Variants in OPCML observed in about 807,000 individuals in gnomAD.
The protein encoded by OPCML is opioid binding protein/cell adhesion molecule like, also known as opioid-binding protein/cell adhesion molecule.
Under a neutral mutation model 37.8 loss-of-function variants are expected in OPCML, and 13 were observed. The observed-to-expected ratio is 0.34, with a 90% CI of 0.22 to 0.55. The LOEUF (loss-of-function observed/expected upper bound fraction) is 0.55, where lower values mean the gene tolerates loss of function less well. OPCML is among the 20% of genes least tolerant of loss of function. The pLI is 0.91. For missense variants in OPCML, 341 were observed against 435.6 expected, an observed-to-expected ratio of 0.78 and a Z score of 1.93; for synonymous variants, 176 against 168.8, an observed-to-expected ratio of 1.04 and a Z score of -0.33.
At position 132,878,181 on chromosome 11, in the gene OPCML, C is replaced by CAA. The variant is rs11426663; in HGVS notation, c.146+64743_146+64744dup. The stretch of plus-strand genomic sequence containing the variant: ...TGGGCGAGAGATCAAAATTCCATCT[C>CAA]AAAAAAAAAAAAATTATATTGGCTG... On this transcript the variant is annotated intron_variant, in intron 2 of 7. Transcript: ENST00000524381. Among the ~76,000 whole-genome samples, 891 of 147,708 alleles carry CAA rather than the reference C, an allele frequency of 6.0e-3. 5 individuals carry two copies. The highest frequency in any genetic ancestry group is 0.028 in the Middle Eastern group (8 of 290).
chr11:132,981,055 C>G (rs1946572146), intron 1 of OPCML, among the ~76,000 whole-genome samples: 1 of 152,220 alleles, frequency 6.6e-6, no homozygotes. Flanking sequence ...GCCTCTAAGC[C>G]TATCTAAACA....
intron 2 of OPCML, among the ~76,000 whole-genome samples, chr11:132,798,385 T>C (rs1162593502): frequency 6.6e-6 from 1 of 152,222 alleles, no homozygotes; most frequent in Non-Finnish European, 1.5e-5. Context: ...TAACTAAAAT[T>C]ATGTAATACT....
At chr11:132,673,129 G>C (rs543000762) in intron 2 of OPCML, among the ~76,000 whole-genome samples, 2 of 152,276 alleles carry the variant, frequency 1.3e-5, no homozygotes, top group African/African-American at 4.8e-5. Flanking sequence ...TGCACAAGAT[G>C]CTTGCCCCAA....
chr11:132,766,261 C>T (rs1946441052), intron 2 of OPCML, among the ~76,000 whole-genome samples: 1 of 152,138 alleles, frequency 6.6e-6, no homozygotes, highest in African/African-American at 2.4e-5. Context: ...TCAAAGGCTG[C>T]TACACAGAAA....
intron 4 of OPCML, among the ~76,000 whole-genome samples, chr11:132,519,609 G>A (rs2096287846): frequency 1.3e-5 from 2 of 152,104 alleles, no homozygotes; most frequent in Non-Finnish European, 1.5e-5. Context: ...CCCATATGGC[G>A]AAAAGCACAT....
At chr11:133,262,660 G>T (rs1941529297) in intron 1 of OPCML, among the ~76,000 whole-genome samples, 1 of 152,166 alleles carries the variant, frequency 6.6e-6, no homozygotes, top group African/African-American at 2.4e-5. Flanking sequence ...AATATCTTGA[G>T]CCCTCTCGTG....
chr11:132,582,399 A>G (rs755534563), intron 3 of OPCML, among the ~76,000 whole-genome samples: 4 of 152,154 alleles, frequency 2.6e-5, no homozygotes, highest in Non-Finnish European at 5.9e-5. Flanking sequence ...CTGCTAAAAA[A>G]TCAAAACGCC....
intron 1 of OPCML, among the ~76,000 whole-genome samples, chr11:133,134,020 T>C (rs1408410942): frequency 6.6e-6 from 1 of 152,162 alleles, no homozygotes; most frequent in Non-Finnish European, 1.5e-5. Flanking sequence ...CCTGAACTCC[T>C]TTCAGCTGCC....
At chr11:132,758,242 C>A (rs186587872) in intron 2 of OPCML, among the ~76,000 whole-genome samples, 42 of 152,272 alleles carry the variant, frequency 2.8e-4, no homozygotes, top group African/African-American at 9.4e-4. Flanking sequence ...TAACGTGATG[C>A]CTCCAACTTT....
chr11:132,635,179 A>T (rs1940409665), intron 3 of OPCML, among the ~76,000 whole-genome samples: 1 of 152,182 alleles, frequency 6.6e-6, no homozygotes, highest in Admixed American at 6.5e-5. Context: ...TCCCCTTAAA[A>T]ATCTGCAAAA....
chr11:132,584,449 CT>C (rs1429770447), intron 3 of OPCML, among the ~76,000 whole-genome samples: 3 of 152,060 alleles, frequency 2.0e-5, no homozygotes, highest in Non-Finnish European at 4.4e-5. Context: ...ACTTAAATTT[CT>C]TTTTCTTTTT....
intron 1 of OPCML, among the ~76,000 whole-genome samples, chr11:133,102,515 G>A (rs767618285): frequency 1.6e-4 from 25 of 152,182 alleles, no homozygotes; most frequent in Admixed American, 2.6e-4. Flanking sequence ...TTGGGAGGCC[G>A]AGGTGGGTGG....
intron 1 of OPCML, among the ~76,000 whole-genome samples, chr11:133,373,221 G>A (rs185800915): frequency 1.4e-4 from 21 of 151,740 alleles, no homozygotes; most frequent in African/African-American, 5.1e-4. Flanking sequence ...TGGCAGGGGA[G>A]GGGGAGATTA....
intron 1 of OPCML, among the ~76,000 whole-genome samples, chr11:133,308,653 C>A (rs1409626878): frequency 6.6e-6 from 1 of 152,108 alleles, no homozygotes; most frequent in East Asian, 1.9e-4. Context: ...CCCACAGTAA[C>A]AATGAGCACA....
At chr11:133,449,567 G>T (rs1946537984) in intron 1 of OPCML, among the ~76,000 whole-genome samples, 1 of 148,158 alleles carries the variant, frequency 6.7e-6, no homozygotes, top group Admixed American at 6.6e-5. Context: ...GGTTCCAAAG[G>T]CTCCAGAGAA....
chr11:133,078,130 T>G (rs1017284377), intron 1 of OPCML, among the ~76,000 whole-genome samples: 3 of 152,124 alleles, frequency 2.0e-5, no homozygotes, highest in Admixed American at 1.3e-4. Context: ...GCTGCAGTGT[T>G]GTGTAGAGAA....
chr11:133,495,880 G>T (rs1450768174), intron 1 of OPCML, among the ~76,000 whole-genome samples: 1 of 151,778 alleles, frequency 6.6e-6, no homozygotes, highest in Non-Finnish European at 1.5e-5. Flanking sequence ...TGTTCCTTTT[G>T]CCCTGCAAAA....
intron 1 of OPCML, among the ~76,000 whole-genome samples, chr11:133,371,616 G>A (rs555219468): frequency 1.4e-4 from 21 of 152,188 alleles, no homozygotes; most frequent in African/African-American, 3.4e-4. Flanking sequence ...CTCTCCTGCC[G>A]CCTTGTGAAG....
intron 1 of OPCML, among the ~76,000 whole-genome samples, chr11:132,981,092 T>C (rs995393552): frequency 6.6e-6 from 1 of 152,224 alleles, no homozygotes; most frequent in Admixed American, 6.5e-5. Flanking sequence ...TCTAATCTTG[T>C]GGGACCCACA....
Sources: gnomAD v4.1 joint callset for allele counts (sites outside exome capture counted in the v4.1 genomes callset) on GRCh38, gnomAD v4.1.1 for gene constraint, MANE v1.5 for transcripts, NCBI Gene and HGNC (gene_info 2026-07-23, HGNC 2026-07-21) for gene names.